Variants in STXBP4 observed in about 807,000 individuals in gnomAD.
STXBP4 encodes syntaxin binding protein 4, also known as syntaxin-binding protein 4.
In STXBP4, 55 loss-of-function variants were observed where a neutral mutation model predicts 76.1. The ratio of observed to expected loss-of-function variants is 0.72; its 90% CI spans 0.58 to 0.91. The LOEUF (loss-of-function observed/expected upper bound fraction) is 0.91, where lower values mean the gene tolerates loss of function less well. Ranked by LOEUF, STXBP4 falls within the 40% of genes least tolerant of loss-of-function variation. STXBP4 has a pLI of 0.00. For synonymous variants in STXBP4, 201 were observed against 220.2 expected (o/e 0.91, Z 0.77); for missense variants, 618 against 636.9 (o/e 0.97, Z 0.32).
intron 12 of STXBP4, among the ~76,000 whole-genome samples, chr17:55,061,998 G>A (rs2078999853): frequency 6.6e-6 from 1 of 152,106 alleles, no homozygotes; most frequent in Non-Finnish European, 1.5e-5. Context: ...ACTTTAGGAG[G>A]CCAAAGTGGG....
intron 11 of STXBP4, among the ~76,000 whole-genome samples, chr17:55,046,297 T>G (rs755789191): frequency 5.3e-5 from 8 of 152,038 alleles, no homozygotes; most frequent in Non-Finnish European, 8.8e-5. Context: ...CATTTTCATA[T>G]ACCTTCATTT....
chr17:55,011,570 C>T (rs1228219125), intron 8 of STXBP4, among the ~76,000 whole-genome samples: 1 of 126,588 alleles, frequency 7.9e-6, no homozygotes, highest in Non-Finnish European at 1.6e-5. Context: ...AGGGAGGGGA[C>T]CCAAAGAGGG....
intron 16 of STXBP4, among the ~76,000 whole-genome samples, chr17:55,122,753 C>T (rs244339): frequency 0.63 from 95,229 of 151,942 alleles, 30,499 homozygotes; most frequent in African/African-American, 0.75. Context: ...TCTATGTGTG[C>T]TAATGGATGA....
At chr17:54,997,604 A>G (rs2077830931) in intron 4 of STXBP4, among the ~76,000 whole-genome samples, 1 of 146,166 alleles carries the variant, frequency 6.8e-6, no homozygotes, top group African/African-American at 2.5e-5. Context: ...TATATTTTAT[A>G]TATATATATA....
At chr17:55,146,945 T>C (rs1014553732) in intron 17 of STXBP4, among the ~76,000 whole-genome samples, 2 of 152,194 alleles carry the variant, frequency 1.3e-5, no homozygotes, top group Non-Finnish European at 2.9e-5. Flanking sequence ...AGATGACTGA[T>C]CTACCATCAC....
At chr17:55,213,149 G>A in the STXBP4 span, among the ~76,000 whole-genome samples, 1 of 152,128 alleles carries the variant, frequency 6.6e-6, no homozygotes, top group Non-Finnish European at 1.5e-5. Context: ...GCCCCCCATC[G>A]ACAGCAGATC....
rs1222142427 is a variant in STXBP4, at chr17:55,168,924, A to G, written c.*9013A>G. 1.3e-5 allele frequency: 2 copies of G among 152,208 alleles called. No homozygotes were observed. The highest frequency in any genetic ancestry group is 4.8e-5 in the African/African-American group (2 of 41,452). 9.4% of individuals were successfully genotyped at this position (152,208 alleles called of 1,614,324 possible). On this transcript the variant is annotated 3_prime_UTR_variant, in exon 18 of 18. Transcript: ENST00000376352. ...ACAATCAGGATTCATACTCTTCTCA[A>G]TAGTCCTTAAATGGTTTATTGACCA...
At chr17:55,037,551 A>G (rs1370874597) in intron 10 of STXBP4, among the ~76,000 whole-genome samples, 1 of 152,162 alleles carries the variant, frequency 6.6e-6, no homozygotes, top group Non-Finnish European at 1.5e-5. Context: ...GCTAATGGCA[A>G]TTGTGCAAGA....
chr17:54,986,566 C>G (rs1465686310), intron 3 of STXBP4, among the ~76,000 whole-genome samples: 1 of 152,040 alleles, frequency 6.6e-6, no homozygotes, highest in Admixed American at 6.6e-5. Flanking sequence ...CTGTAGTATG[C>G]TATGATTGTA....
Position 55,122,922 on chromosome 17 carries a change from A to C in STXBP4, c.1490-18388A>C, listed in dbSNP as rs532000325. 1.2e-4 allele frequency among the ~76,000 whole-genome samples: 18 copies of C among 152,346 alleles called. No homozygotes were observed. In the South Asian group the frequency reaches 1.9e-3, roughly 16 times the overall value. On this transcript the variant is annotated intron_variant, in intron 16 of 17. Coordinates refer to ENST00000376352, the MANE Select transcript of STXBP4 (RefSeq NM_178509.6). ...TCCTTAAAGAACATTATCTCAAATC[A>C]AAGTGTACTTAAAAGTAGAAAACCA... is the stretch of plus-strand genomic sequence containing the variant.
At chr17:55,130,271 TG>T (rs2079960234) in intron 16 of STXBP4, among the ~76,000 whole-genome samples, 2 of 152,312 alleles carry the variant, frequency 1.3e-5, no homozygotes, top group South Asian at 4.1e-4. Context: ...TTCAAGAACT[TG>T]GATCTAATGG....
At position 54,999,748 on chromosome 17, in the gene STXBP4, C is replaced by G; in HGVS notation, c.404C>G (p.Ser135Ter). ...EASGEYGPQA[S>*]TLSLFSSPPE... is the part of the protein sequence containing the mutation. ...TCAGGAGAATATGGACCTCAAGCCT[C>G]AACATTAAGTCTTTTTTCTTCTCCT... Residue 135 changes from serine to a stop codon, truncating the protein, a stop_gained, in exon 6 of 18, where the codon TCA (serine) becomes TGA (stop). Transcript: ENST00000376352. LOFTEE classifies it high-confidence loss of function. 2 of 1,613,586 alleles carry G rather than the reference C, an allele frequency of 1.2e-6. No individual in the cohort carries two copies. Among genetic ancestry groups the G allele is most frequent in the Non-Finnish European group, 1.7e-6 (2 of 1,179,738 alleles).
intron 16 of STXBP4, among the ~76,000 whole-genome samples, chr17:55,099,845 G>C (rs1164699095): frequency 6.6e-6 from 1 of 152,094 alleles, no homozygotes; most frequent in Non-Finnish European, 1.5e-5. Context: ...ATCCTAAGTA[G>C]GTACCACGTA....
Position 55,092,707 on chromosome 17 carries a change from T to TGAAGCTAATTAGAA in STXBP4, c.1489+11526_1489+11539dup, listed in dbSNP as rs2079431048. ...GTAGCTGCCTTTTTTCTGTTACATC[T>TGAAGCTAATTAGAA]GAAGCTAATTAGAAGTTACTTAAGC... On this transcript the variant is annotated intron_variant, in intron 16 of 17. Transcript: ENST00000376352. Among the ~76,000 whole-genome samples, 2 of 152,206 alleles carry TGAAGCTAATTAGAA rather than the reference T, an allele frequency of 1.3e-5. 1 individual carries two copies. Among genetic ancestry groups the TGAAGCTAATTAGAA allele is most frequent in the Non-Finnish European group, 2.9e-5 (2 of 68,042 alleles).
intron 16 of STXBP4, among the ~76,000 whole-genome samples, chr17:55,133,140 T>C (rs770979307): frequency 5.9e-5 from 9 of 152,052 alleles, no homozygotes; most frequent in Non-Finnish European, 1.3e-4. Flanking sequence ...CAGAATAATC[T>C]AGGTAAGGGA....
rs906494238 is a variant in STXBP4 at position 55,092,312 on chromosome 17, C to CAATA, written c.1489+11141_1489+11144dup. Among the ~76,000 whole-genome samples, 22 of 152,030 alleles carry CAATA rather than the reference C, an allele frequency of 1.4e-4. No homozygotes were observed. The East Asian group carries it at 1.9e-3, about 13-fold the overall frequency. On this transcript the variant is annotated intron_variant, in intron 16 of 17. Transcript: ENST00000376352. ...TGTTCCCCCAAAACTATTGAAATAA[C>CAATA]AATAAATAAATAAATGAAATGAAAT...
chr17:55,191,520 G>A, the STXBP4 span, among the ~76,000 whole-genome samples: 1 of 152,048 alleles, frequency 6.6e-6, no homozygotes, highest in Non-Finnish European at 1.5e-5. Flanking sequence ...TTCAACCTAA[G>A]CAATACTTAT....
intron 15 of STXBP4, among the ~76,000 whole-genome samples, chr17:55,079,929 A>G (rs2079235499): frequency 6.6e-6 from 1 of 152,264 alleles, no homozygotes; most frequent in South Asian, 2.1e-4. Context: ...TGATGAAGGA[A>G]CCTGACATAA....
intron 16 of STXBP4, among the ~76,000 whole-genome samples, chr17:55,091,572 C>T (rs1410791319): frequency 6.6e-6 from 1 of 152,082 alleles, no homozygotes; most frequent in Admixed American, 6.6e-5. Flanking sequence ...ACAGTTTATT[C>T]AGCGTCCCCA....
Sources: allele counts gnomAD v4.1 joint callset (sites outside exome capture counted in the v4.1 genomes callset), GRCh38; gene constraint gnomAD v4.1.1; transcripts MANE v1.5; gene names NCBI Gene and HGNC (gene_info 2026-07-23, HGNC 2026-07-21).